Variants in DCC observed in about 807,000 individuals in gnomAD.
DCC encodes netrin receptor DCC.
In DCC, 58 loss-of-function variants were observed where a neutral mutation model predicts 172.5. That is an observed-to-expected ratio of 0.34 (90% confidence interval 0.27 to 0.42). The LOEUF (loss-of-function observed/expected upper bound fraction) is 0.42, where lower values mean the gene tolerates loss of function less well. Among genes scored for constraint, DCC ranks in the 10% least tolerant of loss-of-function variants. The pLI is 1.00. For synonymous variants in DCC, 709 were observed against 644.5 expected, an observed-to-expected ratio of 1.10 and a Z score of -1.52; for missense variants, 1,740 against 1,791.0, an observed-to-expected ratio of 0.97 and a Z score of 0.51.
At chr18:52,423,317 G>A (rs1183319475) in intron 1 of DCC, among the ~76,000 whole-genome samples, 1 of 152,098 alleles carries the variant, frequency 6.6e-6, no homozygotes, top group African/African-American at 2.4e-5. Context: ...TCTTCAAACT[G>A]GGGGATCTGC....
chr18:52,665,328 G>A lies in DCC; in HGVS notation c.92-86726G>A, dbSNP rs909841739. On this transcript the variant is annotated intron_variant, in intron 1 of 28. Transcript: ENST00000442544. Reference sequence around the variant, plus strand: ...TGGGTATGACTTGCTACTATAGGAAGAGCTGTGCTATGCTTTGGAAATGCT... The same window carrying A: ...TGGGTATGACTTGCTACTATAGGAAAAGCTGTGCTATGCTTTGGAAATGCT... Among the ~76,000 whole-genome samples the A allele has an allele frequency of 4.6e-5, 7 of 152,310 alleles. No individual in the cohort carries two copies. The South Asian group carries it at 1.0e-3, about 23-fold the overall frequency.
chr18:52,729,415 G>A (rs2036601014), intron 1 of DCC, among the ~76,000 whole-genome samples: 1 of 151,914 alleles, frequency 6.6e-6, no homozygotes, highest in South Asian at 2.1e-4. Context: ...GCCCACCACT[G>A]CACCTGCCTA....
At chr18:52,735,499 G>A (rs1474706409) in intron 1 of DCC, among the ~76,000 whole-genome samples, 1 of 152,096 alleles carries the variant, frequency 6.6e-6, no homozygotes, top group South Asian at 2.1e-4. Context: ...TAGGCCATCT[G>A]CAGTCTGAGA....
intron 7 of DCC, among the ~76,000 whole-genome samples, chr18:53,091,242 T>A (rs529542845): frequency 1.1e-4 from 17 of 151,658 alleles, no homozygotes; most frequent in Non-Finnish European, 5.9e-5. Flanking sequence ...TCAGCTAGCT[T>A]TTCATCTCTC....
At chr18:52,763,864 G>A (rs79400517) in intron 2 of DCC, among the ~76,000 whole-genome samples, 5,208 of 152,100 alleles carry the variant, frequency 0.034, 130 homozygotes, top group Admixed American at 0.048. Flanking sequence ...TATATCTTGG[G>A]CATCTTCCTA....
intron 2 of DCC, among the ~76,000 whole-genome samples, chr18:52,797,247 CA>C (rs1430579462): frequency 2.6e-5 from 4 of 152,072 alleles, no homozygotes; most frequent in Non-Finnish European, 5.9e-5. Flanking sequence ...ATAAGGAATT[CA>C]AGATAAAGTT....
chr18:53,474,952 CA>C (rs2045743872), intron 25 of DCC, among the ~76,000 whole-genome samples: 3 of 152,340 alleles, frequency 2.0e-5, no homozygotes, highest in African/African-American at 7.2e-5. Context: ...CAATGAAATA[CA>C]GTCTGAGGTG....
chr18:52,808,666 G>A (rs899158747), intron 2 of DCC, among the ~76,000 whole-genome samples: 3 of 152,276 alleles, frequency 2.0e-5, no homozygotes, highest in Non-Finnish European at 4.4e-5. Context: ...CCTGCCACCT[G>A]CCAGTGGCAG....
At chr18:52,761,071 C>T (rs566070690) in intron 2 of DCC, among the ~76,000 whole-genome samples, 1 of 152,292 alleles carries the variant, frequency 6.6e-6, no homozygotes, top group Non-Finnish European at 1.5e-5. Flanking sequence ...CTGATAAAGA[C>T]ATACCAGAGA....
In DCC at chr18:52,376,291, G is replaced by A. The variant is rs144698003; in HGVS notation, c.91+35413G>A. Among the ~76,000 whole-genome samples the A allele has an allele frequency of 1.5e-3, 235 of 152,226 alleles. 2 individuals are homozygous for A. Among genetic ancestry groups the A allele is most frequent in the Middle Eastern group, 6.8e-3 (2 of 294 alleles). On this transcript the variant is annotated intron_variant, in intron 1 of 28. Transcript: ENST00000442544. ...AAGAGGTGCAGAAAATAGCACTTTGGTTTCAAATATGAAGACATGAAGTAA... is the reference window on the plus strand; with the variant it reads ...AAGAGGTGCAGAAAATAGCACTTTGATTTCAAATATGAAGACATGAAGTAA...
chr18:52,652,489 C>G (rs995519527), intron 1 of DCC, among the ~76,000 whole-genome samples: 1 of 152,060 alleles, frequency 6.6e-6, no homozygotes, highest in East Asian at 1.9e-4. Flanking sequence ...GAGTCATGCT[C>G]TTTTTAAGAC....
At chr18:53,418,695 G>A (rs533178206) in intron 21 of DCC, among the ~76,000 whole-genome samples, 71 of 152,118 alleles carry the variant, frequency 4.7e-4, no homozygotes, top group Non-Finnish European at 9.3e-4. Context: ...AAAAGTATCT[G>A]TTCAGATTCT....
chr18:53,308,962 C>T (rs531540886), intron 13 of DCC, among the ~76,000 whole-genome samples: 2 of 152,258 alleles, frequency 1.3e-5, no homozygotes, highest in African/African-American at 4.8e-5. Flanking sequence ...TCTTCCTTGG[C>T]TTGTAGATGC....
intron 1 of DCC, among the ~76,000 whole-genome samples, chr18:52,638,309 A>G (rs528123657): frequency 2.0e-5 from 3 of 152,318 alleles, no homozygotes; most frequent in African/African-American, 7.2e-5. Context: ...CAGGCAACAA[A>G]GAGCATGATG....
chr18:52,406,210 A>G (rs540714948), intron 1 of DCC, among the ~76,000 whole-genome samples: 2 of 151,510 alleles, frequency 1.3e-5, no homozygotes, highest in South Asian at 2.1e-4. Flanking sequence ...ACCTAAAACC[A>G]TAAAAACCAG....
At chr18:53,204,121 C>T (rs2055587227) in intron 9 of DCC, among the ~76,000 whole-genome samples, 1 of 142,824 alleles carries the variant, frequency 7.0e-6, no homozygotes, top group African/African-American at 3.0e-5. Context: ...GTATCATATG[C>T]TTTACTGCAA....
intron 14 of DCC, among the ~76,000 whole-genome samples, chr18:53,335,505 A>G (rs905915179): frequency 2.6e-5 from 4 of 152,324 alleles, no homozygotes; most frequent in South Asian, 2.1e-4. Context: ...CCTGTGTAAC[A>G]TGTCTGCATT....
intron 1 of DCC, among the ~76,000 whole-genome samples, chr18:52,730,856 A>T (rs565349381): frequency 6.6e-6 from 1 of 152,238 alleles, no homozygotes; most frequent in African/African-American, 2.4e-5. Context: ...TAACGCAATA[A>T]TGCACTGCAC....
intron 7 of DCC, among the ~76,000 whole-genome samples, chr18:53,140,112 G>A (rs982655649): frequency 6.6e-6 from 1 of 152,184 alleles, no homozygotes; most frequent in African/African-American, 2.4e-5. Context: ...GGAGCTTTTA[G>A]TTTAAGAAGA....
Sources: allele counts gnomAD v4.1 joint callset (sites outside exome capture counted in the v4.1 genomes callset), GRCh38; gene constraint gnomAD v4.1.1; transcripts MANE v1.5; gene names NCBI Gene and HGNC (gene_info 2026-07-23, HGNC 2026-07-21).